COX7B2: variants seen among roughly 807,000 people sequenced by gnomAD.
COX7B2 encodes the protein cytochrome c oxidase subunit 7B2, mitochondrial.
For missense variants in COX7B2, 109 were observed against 95.9 expected, an observed-to-expected ratio of 1.14 and a Z score of -0.57; for synonymous variants, 37 against 32.1, an observed-to-expected ratio of 1.15 and a Z score of -0.51.
chr4:46,863,813 T>C (rs576426388), intron 1 of COX7B2, among the ~76,000 whole-genome samples: 28 of 152,352 alleles, frequency 1.8e-4, no homozygotes, highest in African/African-American at 6.5e-4. Context: ...CTTGATTTTA[T>C]ACTCTTTGCT....
intron 2 of COX7B2, among the ~76,000 whole-genome samples, chr4:46,823,535 T>A (rs1403736959): frequency 6.6e-6 from 1 of 150,830 alleles, no homozygotes; most frequent in Non-Finnish European, 1.5e-5. Flanking sequence ...GAAAAGGAAC[T>A]CTCAAGGATC....
chr4:46,850,641 G>GA (rs1394785596), intron 1 of COX7B2, among the ~76,000 whole-genome samples: 3 of 151,930 alleles, frequency 2.0e-5, no homozygotes, highest in Admixed American at 1.3e-4. Flanking sequence ...GTAAAGCACT[G>GA]AAAAAATATA....
At chr4:46,903,320 T>C (rs1172287207) in intron 1 of COX7B2, among the ~76,000 whole-genome samples, 1 of 152,188 alleles carries the variant, frequency 6.6e-6, no homozygotes, top group Admixed American at 6.5e-5. Flanking sequence ...TCTTAATACT[T>C]GGAATGGGCA....
intron 1 of COX7B2, among the ~76,000 whole-genome samples, chr4:46,900,664 G>A (rs1720026353): frequency 6.6e-6 from 1 of 152,156 alleles, no homozygotes; most frequent in Non-Finnish European, 1.5e-5. Flanking sequence ...ATATTAAGAG[G>A]TGGGGGCCTT....
At chr4:46,750,917 C>T in intron 2 of COX7B2, among the ~76,000 whole-genome samples, 1 of 152,116 alleles carries the variant, frequency 6.6e-6, no homozygotes, top group Non-Finnish European at 1.5e-5. Context: ...TTTATCACCT[C>T]TTCACAGACC....
At chr4:46,828,810 G>C (rs1464415538) in intron 2 of COX7B2, among the ~76,000 whole-genome samples, 1 of 152,026 alleles carries the variant, frequency 6.6e-6, no homozygotes, top group Non-Finnish European at 1.5e-5. Context: ...CTATGGATAT[G>C]GGCAGAGAGA....
chr4:46,744,588 A>G (rs904659475), intron 2 of COX7B2, among the ~76,000 whole-genome samples: 15 of 151,734 alleles, frequency 9.9e-5, no homozygotes, highest in African/African-American at 3.6e-4. Flanking sequence ...TGAATCAATG[A>G]CCCCTCATTG....
intron 2 of COX7B2, among the ~76,000 whole-genome samples, chr4:46,841,333 C>CTG (rs1491098977): frequency 8.9e-6 from 1 of 112,924 alleles, no homozygotes; most frequent in Non-Finnish European, 1.9e-5. Context: ...ACCAAATGTG[C>CTG]TCTGTGTGTG....
At chr4:46,741,810 G>C (rs1434893781) in intron 2 of COX7B2, among the ~76,000 whole-genome samples, 1 of 152,002 alleles carries the variant, frequency 6.6e-6, no homozygotes, top group Admixed American at 6.6e-5. Flanking sequence ...TAGATTCCTG[G>C]GCTCAATTTC....
At chr4:46,805,227 A>G (rs1388888066) in intron 2 of COX7B2, among the ~76,000 whole-genome samples, 1 of 152,194 alleles carries the variant, frequency 6.6e-6, no homozygotes, top group Non-Finnish European at 1.5e-5. Context: ...CCAGCCCAGA[A>G]AGGGGCTCCT....
intron 2 of COX7B2, 120 bp from the exon 3 acceptor site, chr4:46,735,361 A>G (rs1714302681): frequency 1.4e-6 from 1 of 704,432 alleles, no homozygotes; most frequent in Non-Finnish European, 2.3e-6. Flanking sequence ...TGATATAACA[A>G]TATCTGAATT....
chr4:46,837,292 C>T (rs1307793344), intron 2 of COX7B2, among the ~76,000 whole-genome samples: 4 of 151,484 alleles, frequency 2.6e-5, no homozygotes, highest in Non-Finnish European at 5.9e-5. Flanking sequence ...CACACACACA[C>T]ACACACACAC....
At chr4:46,896,351 G>A (rs1438424500) in intron 1 of COX7B2, among the ~76,000 whole-genome samples, 1 of 152,170 alleles carries the variant, frequency 6.6e-6, no homozygotes, top group Non-Finnish European at 1.5e-5. Flanking sequence ...CACTGTAGCA[G>A]TTATGCTATT....
chr4:46,799,928 G>A (rs1718561970), intron 2 of COX7B2, among the ~76,000 whole-genome samples: 1 of 152,072 alleles, frequency 6.6e-6, no homozygotes, highest in Admixed American at 6.6e-5. Flanking sequence ...ATTTGTAGTA[G>A]CTCTTCTTTA....
intron 2 of COX7B2, among the ~76,000 whole-genome samples, chr4:46,815,263 T>TAA (rs1304573135): frequency 6.6e-6 from 1 of 152,164 alleles, no homozygotes; most frequent in Non-Finnish European, 1.5e-5. Flanking sequence ...AACTGGGGTT[T>TAA]AAAGTTAGAC....
chr4:46,755,307 A>G (rs1386532466), intron 2 of COX7B2, among the ~76,000 whole-genome samples: 3 of 152,094 alleles, frequency 2.0e-5, no homozygotes, highest in South Asian at 2.1e-4. Flanking sequence ...AATAAAGGCC[A>G]TATATGACAA....
chr4:46,847,811 G>A (rs1368520846), intron 1 of COX7B2, among the ~76,000 whole-genome samples: 1 of 151,940 alleles, frequency 6.6e-6, no homozygotes, highest in African/African-American at 2.4e-5. Flanking sequence ...AAAAATGCAA[G>A]GGAAAATTGA....
At chr4:46,790,932 G>A (rs1437616074) in intron 2 of COX7B2, among the ~76,000 whole-genome samples, 2 of 152,182 alleles carry the variant, frequency 1.3e-5, no homozygotes, top group Non-Finnish European at 2.9e-5. Flanking sequence ...TCCATTTCAT[G>A]AGAGAAGTTT....
intron 1 of COX7B2, among the ~76,000 whole-genome samples, chr4:46,879,644 T>TTTTATTGTACCTCTTCAATACA (rs1223163493): frequency 3.0e-4 from 45 of 152,114 alleles, no homozygotes; most frequent in Non-Finnish European, 5.3e-4. Flanking sequence ...CAAGTTTTTC[T>TTTTATTGTACCTCTTCAATACA]TTTATTGTAC....
Sources: gnomAD v4.1 joint callset for allele counts (sites outside exome capture counted in the v4.1 genomes callset) on GRCh38, gnomAD v4.1.1 for gene constraint, MANE v1.5 for transcripts, NCBI Gene and HGNC (gene_info 2026-07-23, HGNC 2026-07-21) for gene names.